GABRB3: variants seen among roughly 807,000 people sequenced by gnomAD.
The protein encoded by GABRB3 is gamma-aminobutyric acid type A receptor subunit beta3, also known as gamma-aminobutyric acid receptor subunit beta-3.
Under a neutral mutation model 52.1 loss-of-function variants are expected in GABRB3, and 14 were observed. The ratio of observed to expected loss-of-function variants is 0.27; its 90% CI spans 0.18 to 0.42. The LOEUF (loss-of-function observed/expected upper bound fraction) is 0.42. GABRB3 is among the 10% of genes least tolerant of loss of function. GABRB3 has a pLI of 1.00. For missense variants in GABRB3, 307 were observed against 609.1 expected, an observed-to-expected ratio of 0.50 and a Z score of 5.22; for synonymous variants, 260 against 232.3, an observed-to-expected ratio of 1.12 and a Z score of -1.08.
chr15:26,665,473 T>C (rs1014926492), intron 3 of GABRB3, among the ~76,000 whole-genome samples: 1 of 152,260 alleles, frequency 6.6e-6, no homozygotes, highest in African/African-American at 2.4e-5. Flanking sequence ...AAGTATCTTT[T>C]AAATAGCTGT....
At chr15:26,771,288 G>A (rs1328184508) in intron 3 of GABRB3, among the ~76,000 whole-genome samples, 1 of 152,082 alleles carries the variant, frequency 6.6e-6, no homozygotes, top group Non-Finnish European at 1.5e-5. Flanking sequence ...TTTAAATGCA[G>A]GGACCCCAAG....
In GABRB3 at chr15:26,741,042, ATAAGTGTGTGTG is replaced by A. The variant is rs1301128610; in HGVS notation, c.240+31348_240+31359del. ...GAATGGCAGGATGGGCGAGGGAGGA[ATAAGTGTGTGTG>A]TGTGTGTGTGTGTGTGTGTGTGTGT... On this transcript the variant is annotated intron_variant, in intron 3 of 8. Transcript: ENST00000311550. 4.1e-3 allele frequency among the ~76,000 whole-genome samples: 562 copies of A among 138,322 alleles called. 8 individuals carry two copies. Among genetic ancestry groups the A allele is most frequent in the Admixed American group, 0.017 (252 of 14,736 alleles). The allele number at this position is 138,322 out of a possible 152,430, so 90.7% of individuals were successfully genotyped here.
intron 7 of GABRB3, among the ~76,000 whole-genome samples, 159 bp downstream of exon 7, chr15:26,567,422 G>A (rs142543462): frequency 3.7e-4 from 56 of 152,248 alleles, no homozygotes; most frequent in Middle Eastern, 3.4e-3. Context: ...CAAGGGAATC[G>A]TGCGTGAAAT....
intron 3 of GABRB3, among the ~76,000 whole-genome samples, chr15:26,622,364 TTC>T (rs1892516222): frequency 1.4e-5 from 2 of 140,586 alleles, no homozygotes; most frequent in African/African-American, 2.5e-5. Context: ...ACAAAAGAAA[TTC>T]TCTTTTTGTT....
intron 3 of GABRB3, among the ~76,000 whole-genome samples, chr15:26,729,615 G>A (rs1889857442): frequency 6.6e-6 from 1 of 152,058 alleles, no homozygotes; most frequent in African/African-American, 2.4e-5. Context: ...GTGGAGGGTG[G>A]GGAACAAAAT....
rs1478056036 is a variant in GABRB3 at position 26,592,499 on chromosome 15, TG to T, written c.462-9086del. On this transcript the variant is annotated intron_variant, in intron 4 of 8. Transcript: ENST00000311550. ...AGATGACCTGTGTCTGGTTACTAAA[TG>T]TATGAGTGGATATGGCCTCTTTTCA... 4.6e-5 allele frequency among the ~76,000 whole-genome samples: 7 copies of T among 152,286 alleles called. No individual in the cohort carries two copies. In the South Asian group the frequency reaches 1.4e-3, roughly 32 times the overall value.
At chr15:26,615,822 G>A (rs772788965) in intron 4 of GABRB3, 113 of 1,194,338 alleles carry the variant, frequency 9.5e-5, no homozygotes, top group Non-Finnish European at 1.1e-4. Context: ...GCCAATCTCA[G>A]TGTCCAGGGG....
intron 3 of GABRB3, chr15:26,750,077 G>T (rs145661243): frequency 6.6e-6 from 1 of 152,090 alleles, no homozygotes; most frequent in Non-Finnish European, 1.5e-5. Flanking sequence ...TTCTCTCTTC[G>T]ATTTCTTCTT....
chr15:26,700,918 G>C (rs1888909598), intron 3 of GABRB3, among the ~76,000 whole-genome samples: 1 of 152,128 alleles, frequency 6.6e-6, no homozygotes, highest in South Asian at 2.1e-4. Context: ...AGCCAGGCGT[G>C]GTGGCGGGTG....
Position 26,547,477 on chromosome 15 carries a change from A to C in GABRB3, c.*316T>G. 6.1e-6 allele frequency: 3 copies of C among 488,168 alleles called. No individual in the cohort carries two copies. The highest frequency in any genetic ancestry group is 1.1e-5 in the Non-Finnish European group (3 of 279,792). 30.2% of individuals were successfully genotyped at this position (488,168 alleles called of 1,614,324 possible). A position where few individuals can be genotyped will look rare whatever the true frequency, so the allele number is the denominator to read the frequency against. ...TACTTGTCCCTTTCAATTAAAAAAG[A>C]AAAAAACTATGACTTTCTTTAATAT... On this transcript the variant is annotated 3_prime_UTR_variant, in exon 9 of 9. Transcript: ENST00000311550.
intron 3 of GABRB3, among the ~76,000 whole-genome samples, chr15:26,750,574 G>A (rs1018864816): frequency 6.6e-6 from 1 of 152,100 alleles, no homozygotes; most frequent in Non-Finnish European, 1.5e-5. Context: ...GAATCGGGCA[G>A]AATACTCAGA....
chr15:26,625,825 A>ATGAGACAGACTGTTGATATCGTT (rs1892669614), intron 3 of GABRB3, among the ~76,000 whole-genome samples: 1 of 152,128 alleles, frequency 6.6e-6, no homozygotes, highest in African/African-American at 2.4e-5. Context: ...TAGACACCAA[A>ATGAGACAGACTGTTGATATCGTT]TGAGACAGAC....
chr15:26,682,411 A>T (rs1888267529), intron 3 of GABRB3, among the ~76,000 whole-genome samples: 1 of 152,218 alleles, frequency 6.6e-6, no homozygotes, highest in Non-Finnish European at 1.5e-5. Flanking sequence ...TCATGGAGCA[A>T]AATGAAATCT....
chr15:26,582,998 C>T (rs921774019), intron 5 of GABRB3, among the ~76,000 whole-genome samples: 2 of 152,138 alleles, frequency 1.3e-5, no homozygotes, highest in East Asian at 1.9e-4. Context: ...TTACTCTGAC[C>T]GCCCAGGGTC....
In GABRB3 at chr15:26,547,472, A is replaced by C. The variant is rs929894628; in HGVS notation, c.*321T>G. On this transcript the variant is annotated 3_prime_UTR_variant, in exon 9 of 9. Transcript: ENST00000311550. ...GATGATACTTGTCCCTTTCAATTAA[A>C]AAAGAAAAAAACTATGACTTTCTTT... The C allele has an allele frequency of 1.0e-5, 5 of 488,264 alleles. No homozygotes were observed. The highest frequency in any genetic ancestry group is 1.8e-5 in the Non-Finnish European group (5 of 279,880). 30.2% of individuals were successfully genotyped at this position (488,264 alleles called of 1,614,324 possible). A position where few individuals can be genotyped will look rare whatever the true frequency, so the allele number is the denominator to read the frequency against.
chr15:26,647,381 T>C (rs1475635023), intron 3 of GABRB3, among the ~76,000 whole-genome samples: 2 of 152,226 alleles, frequency 1.3e-5, no homozygotes, highest in African/African-American at 4.8e-5. Context: ...AATGTTTCCT[T>C]TCATCACTTG....
At chr15:26,656,804 C>T (rs371516115) in intron 3 of GABRB3, among the ~76,000 whole-genome samples, 1 of 152,140 alleles carries the variant, frequency 6.6e-6, no homozygotes, top group Non-Finnish European at 1.5e-5. Flanking sequence ...GAAACAGATG[C>T]CTGGTGCCAA....
intron 3 of GABRB3, among the ~76,000 whole-genome samples, chr15:26,724,371 T>G (rs1889717990): frequency 6.6e-6 from 1 of 152,192 alleles, no homozygotes; most frequent in African/African-American, 2.4e-5. Flanking sequence ...TTGGCCATTA[T>G]GGGATGCAAG....
chr15:26,749,045 TA>T (rs1272264918), intron 3 of GABRB3, among the ~76,000 whole-genome samples: 1 of 151,948 alleles, frequency 6.6e-6, no homozygotes, highest in East Asian at 1.9e-4. Flanking sequence ...AATAAACAAA[TA>T]AAAATAAGAC....
Sources: allele counts gnomAD v4.1 joint callset (sites outside exome capture counted in the v4.1 genomes callset), GRCh38; gene constraint gnomAD v4.1.1; transcripts MANE v1.5; gene names NCBI Gene and HGNC (gene_info 2026-07-23, HGNC 2026-07-21).